EXOC4: variants seen among roughly 807,000 people sequenced by gnomAD.
EXOC4 encodes exocyst complex component 4.
EXOC4 carries 71 observed loss-of-function variants against 107.2 expected under a neutral mutation model. The observed-to-expected ratio is 0.66, with a 90% CI of 0.55 to 0.81. The LOEUF is 0.81. Among genes scored for constraint, EXOC4 ranks in the 30% least tolerant of loss-of-function variants. The pLI, the probability that EXOC4 is intolerant of heterozygous loss-of-function variation, is 0.00. For synonymous variants in EXOC4, 456 were observed against 441.2 expected (o/e 1.03, Z -0.42); for missense variants, 1,108 against 1,189.6 (o/e 0.93, Z 1.01).
intron 5 of EXOC4, among the ~76,000 whole-genome samples, chr7:133,345,686 C>A (rs1167859616): frequency 6.6e-6 from 1 of 152,102 alleles, no homozygotes; most frequent in African/African-American, 2.4e-5. Context: ...TATAGCAGAC[C>A]TACCATCATT....
intron 9 of EXOC4, among the ~76,000 whole-genome samples, chr7:133,482,257 G>A (rs758586914): frequency 2.0e-5 from 3 of 152,106 alleles, no homozygotes; most frequent in Non-Finnish European, 2.9e-5. Flanking sequence ...GAGTTCCTGT[G>A]TGCCCTTGTC....
rs140624982 is a variant in EXOC4, at chr7:133,908,346, C to T, written c.1872-9237C>T. 4.4e-3 allele frequency among the ~76,000 whole-genome samples: 664 copies of T among 152,324 alleles called. 4 individuals are homozygous for T. Among genetic ancestry groups the T allele is most frequent in the Admixed American group, 8.1e-3 (124 of 15,312 alleles). On this transcript the variant is annotated intron_variant, in intron 12 of 17. Transcript: ENST00000253861. ...AACAGAGGTTCAGGAAAGTTAATAA[C>T]GTGGCAAAGGCCACAGAGCATAAAG...
chr7:133,860,366 C>A (rs61250332), intron 11 of EXOC4, among the ~76,000 whole-genome samples: 2 of 152,182 alleles, frequency 1.3e-5, no homozygotes, highest in Admixed American at 1.3e-4. Flanking sequence ...GCTAACAGAG[C>A]ATGAGAGAAC....
intron 11 of EXOC4, among the ~76,000 whole-genome samples, chr7:133,855,097 A>ATATAAATATGTATATAAATATG (rs1563028461): frequency 1.0e-5 from 1 of 96,198 alleles, no homozygotes; most frequent in East Asian, 2.3e-4. Flanking sequence ...ATATAAATAT[A>ATATAAATATGTATATAAATATG]TATATAAATA....
intron 9 of EXOC4, among the ~76,000 whole-genome samples, chr7:133,620,823 A>G (rs1003194849): frequency 4.6e-5 from 7 of 152,240 alleles, no homozygotes; most frequent in Admixed American, 2.0e-4. Flanking sequence ...AGAATCAGTT[A>G]AAGAGTGGAA....
intron 10 of EXOC4, among the ~76,000 whole-genome samples, chr7:133,691,802 G>C (rs539693603): frequency 2.0e-5 from 3 of 152,290 alleles, no homozygotes; most frequent in Admixed American, 6.5e-5. Flanking sequence ...AGAATGAAAG[G>C]TTCTGAGGTG....
chr7:133,394,070 A>C (rs1220837470), intron 7 of EXOC4, among the ~76,000 whole-genome samples: 1 of 152,210 alleles, frequency 6.6e-6, no homozygotes, highest in African/African-American at 2.4e-5. Flanking sequence ...TGATGTCATG[A>C]AATAATGGGC....
chr7:133,998,728 G>GCTCT (rs1794456454), intron 15 of EXOC4, among the ~76,000 whole-genome samples: 1 of 152,128 alleles, frequency 6.6e-6, no homozygotes, highest in African/African-American at 2.4e-5. Context: ...GAAAGGGAGA[G>GCTCT]ATATCAATTA....
intron 1 of EXOC4, among the ~76,000 whole-genome samples, chr7:133,263,670 GCCTGGCCT>G (rs1793638144): frequency 6.6e-6 from 1 of 152,036 alleles, no homozygotes; most frequent in African/African-American, 2.4e-5. Context: ...GAGCCACCGT[GCCTGGCCT>G]ATTTGACAGA....
At chr7:134,060,716 A>G (rs1437063331) in intron 17 of EXOC4, among the ~76,000 whole-genome samples, 1 of 151,884 alleles carries the variant, frequency 6.6e-6, no homozygotes, top group Non-Finnish European at 1.5e-5. Context: ...CCCTTTCCCC[A>G]CCTCCAGGTG....
intron 1 of EXOC4, among the ~76,000 whole-genome samples, chr7:133,266,821 T>G (rs527982617): frequency 6.6e-6 from 1 of 152,358 alleles, no homozygotes; most frequent in East Asian, 1.9e-4. Context: ...TCTTCCATGT[T>G]TTTTAAGTGA....
intron 9 of EXOC4, among the ~76,000 whole-genome samples, chr7:133,539,671 T>C (rs988858314): frequency 1.3e-5 from 2 of 151,090 alleles, no homozygotes; most frequent in Non-Finnish European, 3.0e-5. Context: ...AACTTGGAGG[T>C]TTTTTTTCCT....
At chr7:133,710,065 T>C (rs1305065978) in intron 10 of EXOC4, among the ~76,000 whole-genome samples, 1 of 152,214 alleles carries the variant, frequency 6.6e-6, no homozygotes, top group Non-Finnish European at 1.5e-5. Context: ...TTGTCATTTT[T>C]ATCAGCCATA....
intron 10 of EXOC4, among the ~76,000 whole-genome samples, chr7:133,682,818 C>T (rs1281326305): frequency 6.6e-6 from 1 of 152,196 alleles, no homozygotes; most frequent in Admixed American, 6.5e-5. Flanking sequence ...CAAAATGACT[C>T]AAATGCCGCA....
intron 1 of EXOC4, among the ~76,000 whole-genome samples, chr7:133,255,111 A>G (rs1050349518): frequency 6.6e-6 from 1 of 151,552 alleles, no homozygotes; most frequent in African/African-American, 2.4e-5. Context: ...TCATTTTATC[A>G]CTGTGATTTA....
intron 10 of EXOC4, among the ~76,000 whole-genome samples, chr7:133,652,094 C>T (rs553917882): frequency 8.4e-4 from 128 of 152,242 alleles, no homozygotes; most frequent in African/African-American, 2.9e-3. Context: ...GCTGTGATGT[C>T]GATGGTTTAT....
intron 7 of EXOC4, among the ~76,000 whole-genome samples, chr7:133,443,523 C>T (rs939773557): frequency 6.6e-6 from 1 of 152,182 alleles, no homozygotes. Context: ...ACCAAAAACT[C>T]CTCAGTGACC....
In EXOC4 at chr7:133,407,721, A is replaced by C. The variant is rs540435421; in HGVS notation, c.1182+32719A>C. Among the ~76,000 whole-genome samples, 22 of 152,322 alleles carry C rather than the reference A, an allele frequency of 1.4e-4. No homozygotes were observed. The South Asian group carries it at 3.5e-3, about 24-fold the overall frequency. ...CTGATAATAAATACCAATATTACCA[A>C]CCTATGGACCATTTCTCCTTGAAGG... is the stretch of plus-strand genomic sequence containing the variant. On this transcript the variant is annotated intron_variant, in intron 7 of 17. Transcript: ENST00000253861.
chr7:133,877,982 T>A (rs74576243), intron 11 of EXOC4, among the ~76,000 whole-genome samples: 53 of 152,288 alleles, frequency 3.5e-4, no homozygotes, highest in African/African-American at 1.3e-3. Context: ...CTCACGTCAT[T>A]TGTTTTTCAT....
Sources: gnomAD v4.1 joint callset for allele counts (sites outside exome capture counted in the v4.1 genomes callset) on GRCh38, gnomAD v4.1.1 for gene constraint, MANE v1.5 for transcripts, NCBI Gene and HGNC (gene_info 2026-07-23, HGNC 2026-07-21) for gene names.